The following DMD variants were observed in gnomAD, a reference collection of about 807,000 sequenced individuals.
The protein encoded by DMD is mutant dystrophin.
In DMD, 63 loss-of-function variants were observed where a neutral mutation model predicts 330.1. The ratio of observed to expected loss-of-function variants is 0.19; its 90% CI spans 0.16 to 0.24. The LOEUF (loss-of-function observed/expected upper bound fraction) is 0.24, where lower values mean the gene tolerates loss of function less well. Ranked by LOEUF, DMD falls within the 10% of genes least tolerant of loss-of-function variation. The pLI is 1.00. For missense variants in DMD, 3,344 were observed against 2,684.1 expected, an observed-to-expected ratio of 1.25 and a Z score of -5.43; for synonymous variants, 1,223 against 959.8, an observed-to-expected ratio of 1.27 and a Z score of -5.07.
At chrX:31,611,398 C>T (rs1005358501) in intron 55 of DMD, among the ~76,000 whole-genome samples, 7 of 111,104 alleles carry the variant, frequency 6.3e-5, no homozygotes, top group Middle Eastern at 4.6e-3. Context: ...GAACAGGACC[C>T]TAACTTCTTG....
chrX:32,378,075 T>A (rs1425603521), intron 34 of DMD, among the ~76,000 whole-genome samples: 1 of 111,000 alleles, frequency 9.0e-6, no homozygotes, highest in Non-Finnish European at 1.9e-5. Context: ...ATTTATTTTC[T>A]TCTGGCACTA....
At chrX:32,481,928 G>C (rs1324440039) in intron 21 of DMD, among the ~76,000 whole-genome samples, 1 of 111,714 alleles carries the variant, frequency 9.0e-6, no homozygotes, top group Admixed American at 9.6e-5. Flanking sequence ...AAGTGAGCAA[G>C]ACTCTGTTCT....
chrX:31,259,836 C>CAA (rs1482775155), intron 63 of DMD, among the ~76,000 whole-genome samples: 2 of 111,053 alleles, frequency 1.8e-5, no homozygotes, highest in African/African-American at 6.6e-5. Flanking sequence ...CCCTGACACA[C>CAA]ACACACCCCA....
chrX:32,392,242 C>T (rs2098008156), intron 30 of DMD, among the ~76,000 whole-genome samples: 1 of 110,811 alleles, frequency 9.0e-6, no homozygotes, highest in Non-Finnish European at 1.9e-5. Flanking sequence ...TGCGGTATGG[C>T]TTTATTTATT....
At chrX:33,268,664 C>A (rs935698620) in intron 1 of DMD, among the ~76,000 whole-genome samples, 2 of 111,565 alleles carry the variant, frequency 1.8e-5, no homozygotes, top group African/African-American at 3.3e-5. Flanking sequence ...CAGTGGCTTG[C>A]GCCTGTAATC....
intron 59 of DMD, among the ~76,000 whole-genome samples, chrX:31,473,219 A>G (rs74786348): frequency 9.7e-6 from 1 of 103,063 alleles, no homozygotes; most frequent in Non-Finnish European, 2.0e-5. Context: ...AAAAAAAAAA[A>G]TTAGCCAGGC....
intron 34 of DMD, among the ~76,000 whole-genome samples, chrX:32,376,493 G>A (rs773669375): frequency 4.2e-4 from 46 of 110,764 alleles, no homozygotes; most frequent in African/African-American, 1.5e-3. Flanking sequence ...GAGAATTTTG[G>A]TGGTACTGGA....
intron 47 of DMD, among the ~76,000 whole-genome samples, chrX:31,918,696 G>A (rs2094644164): frequency 9.2e-6 from 1 of 108,899 alleles, no homozygotes; most frequent in African/African-American, 3.4e-5. Flanking sequence ...GGAATGCAGT[G>A]GCGTGATCTC....
At chrX:32,863,535 T>TAC (rs1297666216) in intron 2 of DMD, among the ~76,000 whole-genome samples, 5 of 16,513 alleles carry the variant, frequency 3.0e-4, no homozygotes, top group African/African-American at 2.4e-3. Context: ...AGATTGTGTT[T>TAC]ATACACACAC....
chrX:32,361,124 A>T (rs149394873), intron 37 of DMD, among the ~76,000 whole-genome samples: 1,864 of 110,129 alleles, frequency 0.017, 45 homozygotes, highest in African/African-American at 0.056. Flanking sequence ...TAGCTTAGTG[A>T]TTTATTAAAA....
intron 55 of DMD, among the ~76,000 whole-genome samples, chrX:31,600,806 T>G (rs1478066912): frequency 9.2e-6 from 1 of 109,083 alleles, no homozygotes; most frequent in African/African-American, 3.3e-5. Context: ...CATGATGTTT[T>G]TTTTTTTTTT....
chrX:32,549,094 G>A (rs1372299859), intron 16 of DMD, among the ~76,000 whole-genome samples: 3 of 111,292 alleles, frequency 2.7e-5, no homozygotes, highest in Admixed American at 9.6e-5. Flanking sequence ...AATTTCCCTA[G>A]TAAAAATGGG....
At chrX:31,212,146 TTATATATATA>T (rs375944446) in intron 64 of DMD, among the ~76,000 whole-genome samples, 18 of 91,755 alleles carry the variant, frequency 2.0e-4, no homozygotes, top group African/African-American at 7.2e-4. Context: ...ATTAAATATA[TTATATATATA>T]TATATATATA....
chrX:31,433,365 G>A (rs761605239), intron 60 of DMD, among the ~76,000 whole-genome samples: 7 of 111,447 alleles, frequency 6.3e-5, no homozygotes, highest in African/African-American at 9.8e-5. Context: ...ACATATGAGC[G>A]CACGTCTTTT....
chrX:31,160,112 A>C (rs2038635154), intron 74 of DMD, among the ~76,000 whole-genome samples: 1 of 111,457 alleles, frequency 9.0e-6, no homozygotes, highest in African/African-American at 3.3e-5. Flanking sequence ...GTCTTTGGTA[A>C]ACATCTTTCA....
At chrX:32,678,022 G>A (rs1193340471) in intron 9 of DMD, among the ~76,000 whole-genome samples, 2 of 112,058 alleles carry the variant, frequency 1.8e-5, no homozygotes, top group Non-Finnish European at 3.8e-5. Context: ...AATACTTCAT[G>A]ATTCTACTCA....
intron 7 of DMD, among the ~76,000 whole-genome samples, chrX:32,787,223 T>TGA (rs1228327522): frequency 1.0e-5 from 1 of 97,397 alleles, no homozygotes; most frequent in Non-Finnish European, 2.1e-5. Flanking sequence ...AGTGTGTGTG[T>TGA]GTGTGTGTGT....
chrX:32,929,833 T>G (rs6631681), intron 2 of DMD, among the ~76,000 whole-genome samples: 12,879 of 111,082 alleles, frequency 0.12, 682 homozygotes, highest in East Asian at 0.23. Context: ...TGTTCCTGTT[T>G]TAGTTTGCTG....
intron 2 of DMD, among the ~76,000 whole-genome samples, chrX:33,017,781 C>G (rs2093831945): frequency 9.0e-6 from 1 of 111,488 alleles, no homozygotes; most frequent in South Asian, 3.7e-4. Context: ...CCACTCAGTT[C>G]TAACTCCATT....
Sources: gnomAD v4.1 joint callset for allele counts (sites outside exome capture counted in the v4.1 genomes callset) on GRCh38, gnomAD v4.1.1 for gene constraint, MANE v1.5 for transcripts, NCBI Gene and HGNC (gene_info 2026-07-23, HGNC 2026-07-21) for gene names.